ANKRD33B: variants seen among roughly 807,000 people sequenced by gnomAD.
The protein encoded by ANKRD33B is ankyrin repeat domain 33B.
A neutral mutation model predicts 21.5 loss-of-function variants in ANKRD33B; 6 were observed. The ratio of observed to expected loss-of-function variants is 0.28; its 90% CI spans 0.15 to 0.55. ANKRD33B has a LOEUF of 0.55. Among genes scored for constraint, ANKRD33B ranks in the 20% least tolerant of loss-of-function variants. The pLI is 0.94. For synonymous variants in ANKRD33B, 347 were observed against 342.4 expected, an observed-to-expected ratio of 1.01 and a Z score of -0.15; for missense variants, 698 against 747.2, an observed-to-expected ratio of 0.93 and a Z score of 0.77.
rs565860029 is a variant in ANKRD33B, at chr5:10,592,885, A to G, written c.367-25448A>G. Among the ~76,000 whole-genome samples, 17 of 151,874 alleles carry G rather than the reference A, an allele frequency of 1.1e-4. 1 individual carries two copies. In the South Asian group the frequency reaches 3.3e-3, roughly 30 times the overall value. ...AGTTTTTTGCTGACTTGCCCTTTTC[A>G]CCCCTCTGATCAGACCCATCCACCC... On this transcript the variant is annotated intron_variant, in intron 1 of 3. Transcript: ENST00000296657.
At chr5:10,633,719 A>G (rs1736788903) in intron 2 of ANKRD33B, among the ~76,000 whole-genome samples, 1 of 152,082 alleles carries the variant, frequency 6.6e-6, no homozygotes, top group Admixed American at 6.6e-5. Flanking sequence ...CTTGTTTTTC[A>G]TGACCTCGAC....
rs1560992624 is a variant in ANKRD33B, at chr5:10,653,779, C to T, written c.*3666C>T. 1 of 152,556 alleles carries T rather than the reference C, an allele frequency of 6.6e-6. No homozygotes were observed. The highest frequency in any genetic ancestry group is 2.4e-5 in the African/African-American group (1 of 41,562). 9.5% of individuals were successfully genotyped at this position (152,556 alleles called of 1,614,324 possible). ...AGTCAGGGGTCTCACAGTGGCCTCT[C>T]CAAAAGCCTGGTGTCCTTGGAGAAC... On this transcript the variant is annotated 3_prime_UTR_variant, in exon 4 of 4. Coordinates refer to ENST00000296657, the MANE Select transcript of ANKRD33B (RefSeq NM_001164440.2).
intron 1 of ANKRD33B, among the ~76,000 whole-genome samples, chr5:10,583,435 C>A (rs1007934119): frequency 1.4e-4 from 21 of 152,204 alleles, no homozygotes; most frequent in Admixed American, 6.5e-5. Flanking sequence ...GCTGTGGGAA[C>A]CCGTCCTGTG....
At chr5:10,579,921 A>T (rs1002803100) in intron 1 of ANKRD33B, among the ~76,000 whole-genome samples, 1 of 152,166 alleles carries the variant, frequency 6.6e-6, no homozygotes, top group African/African-American at 2.4e-5. Flanking sequence ...CCCCACAGTT[A>T]ATTTCAGAAC....
chr5:10,627,632 T>A (rs1736607813), intron 2 of ANKRD33B: 1 of 152,258 alleles, frequency 6.6e-6, no homozygotes, highest in African/African-American at 2.4e-5. Context: ...CCAGGAACAA[T>A]GCCTCTTCAT....
In ANKRD33B at chr5:10,649,984, C is replaced by T; in HGVS notation, c.1356C>T (p.His452=). The change falls in exon 4 of 4, where the codon CAC becomes CAT. Residue 452 remains histidine (H), a synonymous_variant. Coordinates refer to ENST00000296657, the MANE Select transcript of ANKRD33B (RefSeq NM_001164440.2). The part of the protein sequence containing the change: ...ARKGSTKDSG[H]LQIPKWRYKE... The stretch of plus-strand genomic sequence containing the variant: ...AGGGCAGCACCAAGGACAGCGGCCA[C>T]CTGCAGATCCCCAAGTGGCGGTACA... 1 of 1,533,542 alleles carries T rather than the reference C, an allele frequency of 6.5e-7. No individual in the cohort carries two copies. Among genetic ancestry groups the T allele is most frequent in the South Asian group, 1.2e-5 (1 of 83,900 alleles). The allele number at this position is 1,533,542 out of a possible 1,614,324, so 95.0% of individuals were successfully genotyped here.
intron 1 of ANKRD33B, among the ~76,000 whole-genome samples, chr5:10,602,167 G>A (rs753179189): frequency 3.9e-5 from 6 of 152,246 alleles, no homozygotes; most frequent in Non-Finnish European, 7.3e-5. Context: ...GTGCCTGGGT[G>A]TAGAGATAAC....
At chr5:10,637,425 G>GACAC (rs59222148) in intron 2 of ANKRD33B, among the ~76,000 whole-genome samples, 3,469 of 100,326 alleles carry the variant, frequency 0.035, 99 homozygotes, top group African/African-American at 0.049. Context: ...TAGGTAGTTA[G>GACAC]ACACACACAC....
At chr5:10,607,778 C>G (rs1189800122) in intron 1 of ANKRD33B, among the ~76,000 whole-genome samples, 2 of 152,182 alleles carry the variant, frequency 1.3e-5, no homozygotes, top group Admixed American at 1.3e-4. Flanking sequence ...GTGAAACACA[C>G]TGGACGATGA....
chr5:10,608,958 C>G (rs540873723), intron 1 of ANKRD33B, among the ~76,000 whole-genome samples: 5 of 152,324 alleles, frequency 3.3e-5, no homozygotes, highest in African/African-American at 9.6e-5. Context: ...CCCAGGGCCT[C>G]CTTTGCCACA....
At chr5:10,570,624 C>G (rs760407783) in intron 1 of ANKRD33B, among the ~76,000 whole-genome samples, 2 of 152,090 alleles carry the variant, frequency 1.3e-5, no homozygotes, top group Admixed American at 6.6e-5. Flanking sequence ...GTGGCATAAT[C>G]CTAGCTCACT....
At chr5:10,587,694 A>T (rs1255745939) in intron 1 of ANKRD33B, among the ~76,000 whole-genome samples, 1 of 152,150 alleles carries the variant, frequency 6.6e-6, no homozygotes, top group Non-Finnish European at 1.5e-5. Context: ...TGAAATATAT[A>T]TGCTCTGCCA....
chr5:10,616,241 G>A (rs1229910898), intron 1 of ANKRD33B, among the ~76,000 whole-genome samples: 1 of 152,118 alleles, frequency 6.6e-6, no homozygotes, highest in Non-Finnish European at 1.5e-5. Flanking sequence ...GGCTACTCGA[G>A]TCCTCTTGTT....
intron 3 of ANKRD33B, among the ~76,000 whole-genome samples, chr5:10,647,735 C>G (rs1480681408): frequency 2.6e-5 from 4 of 152,286 alleles, no homozygotes; most frequent in African/African-American, 9.6e-5. Context: ...AGGCTGGAAA[C>G]TCAGGCAGCA....
intron 1 of ANKRD33B, among the ~76,000 whole-genome samples, chr5:10,575,227 G>A (rs181219134): frequency 2.8e-4 from 42 of 151,708 alleles, no homozygotes; most frequent in South Asian, 2.1e-3. Context: ...GATCAAGACC[G>A]TCCTGGCCAA....
At chr5:10,608,749 G>A (rs542175885) in intron 1 of ANKRD33B, among the ~76,000 whole-genome samples, 38 of 152,060 alleles carry the variant, frequency 2.5e-4, no homozygotes, top group Non-Finnish European at 4.3e-4. Context: ...TTAAACGCAT[G>A]ACAAAAAGCA....
Position 10,650,024 on chromosome 5 carries a change from G to A in ANKRD33B, c.1396G>A (p.Glu466Lys), listed in dbSNP as rs952656310. ...GTGGCGGTACAAGGAGGCCAAGGAG[G>A]AGAAGAGGAAGGCAGAGGAGGCCGA... ...PKWRYKEAKE[E>K]KRKAEEAEKK... The change falls in exon 4 of 4, where the codon GAG (glutamate) becomes AAG (lysine). Residue 466 changes from glutamate (E) to lysine (K), a missense_variant. Glu to Lys is a moderately conservative substitution (Grantham distance 56, BLOSUM62 1). Around this residue, in one of 3 missense-constraint regions of ANKRD33B, gnomAD observed 543 missense variants for 566.5 expected, o/e 0.96. Transcript: ENST00000296657. The A allele has an allele frequency of 3.2e-5, 49 of 1,533,068 alleles. No individual in the cohort carries two copies. Among genetic ancestry groups the A allele is most frequent in the Non-Finnish European group, 4.0e-5 (46 of 1,144,594 alleles). The allele number at this position is 1,533,068 out of a possible 1,614,324, so 95.0% of individuals were successfully genotyped here. A position where few individuals can be genotyped will look rare whatever the true frequency, so the allele number is the denominator to read the frequency against.
chr5:10,628,752 T>C (rs1403674614), intron 2 of ANKRD33B, among the ~76,000 whole-genome samples: 1 of 152,204 alleles, frequency 6.6e-6, no homozygotes, highest in Non-Finnish European at 1.5e-5. Context: ...GTTGGAAGTT[T>C]TAAGCATGTG....
chr5:10,623,267 C>T lies in ANKRD33B; in HGVS notation c.496+4805C>T, dbSNP rs187321580. On this transcript the variant is annotated intron_variant, in intron 2 of 3. Transcript: ENST00000296657. Reference sequence around the variant, plus strand: ...TGCCCTTCTATCTGTGGGGCATTGCCGGAATTTTGCAGGGTTCACTGAATT... The same window carrying T: ...TGCCCTTCTATCTGTGGGGCATTGCTGGAATTTTGCAGGGTTCACTGAATT... 3.3e-5 allele frequency among the ~76,000 whole-genome samples: 5 copies of T among 152,246 alleles called. No homozygotes were observed. The South Asian group carries it at 6.2e-4, about 19-fold the overall frequency.
Sources: allele counts gnomAD v4.1 joint callset (sites outside exome capture counted in the v4.1 genomes callset), GRCh38; gene constraint gnomAD v4.1.1; regional missense constraint gnomAD v4.1.1; transcripts MANE v1.5; gene names NCBI Gene and HGNC (gene_info 2026-07-23, HGNC 2026-07-21).